The following RUNX1 variants were observed in gnomAD, a reference collection of about 807,000 sequenced individuals.
RUNX1 encodes the protein RUNX family transcription factor 1.
RUNX1 carries 19 observed loss-of-function variants against 42.8 expected under a neutral mutation model. The ratio of observed to expected loss-of-function variants is 0.44; its 90% CI spans 0.31 to 0.65. RUNX1 has a LOEUF of 0.65. Ranked by LOEUF, RUNX1 falls within the 30% of genes least tolerant of loss-of-function variation. The pLI, the probability that RUNX1 is intolerant of heterozygous loss-of-function variation, is 0.07. For synonymous variants in RUNX1, 271 were observed against 289.4 expected (o/e 0.94, Z 0.64); for missense variants, 528 against 672.0 (o/e 0.79, Z 2.37).
chr21:34,922,283 C>T (rs372183856), intron 2 of RUNX1, among the ~76,000 whole-genome samples: 2 of 152,056 alleles, frequency 1.3e-5, no homozygotes, highest in Non-Finnish European at 2.9e-5. Flanking sequence ...GGTTTGGTAG[C>T]GGTGGAGAGA....
At chr21:34,998,415 A>C in intron 2 of RUNX1, among the ~76,000 whole-genome samples, 1 of 150,674 alleles carries the variant, frequency 6.6e-6, no homozygotes, top group South Asian at 2.1e-4. Flanking sequence ...CCCCACCTCC[A>C]TCCTTCATCC....
At chr21:34,946,656 G>C (rs990632105) in intron 2 of RUNX1, among the ~76,000 whole-genome samples, 7 of 152,158 alleles carry the variant, frequency 4.6e-5, no homozygotes, top group African/African-American at 1.7e-4. Flanking sequence ...GCTGCTGGGG[G>C]CAGAGCTTTA....
chr21:34,981,763 AT>A (rs890028649), intron 2 of RUNX1, among the ~76,000 whole-genome samples: 17 of 150,898 alleles, frequency 1.1e-4, no homozygotes, highest in African/African-American at 2.7e-4. Context: ...GTGGTGGCCT[AT>A]TTTTTTTTGT....
intron 6 of RUNX1, among the ~76,000 whole-genome samples, chr21:34,846,194 C>CTTT (rs5843687): frequency 9.8e-6 from 1 of 102,234 alleles, no homozygotes; most frequent in Non-Finnish European, 2.0e-5. Flanking sequence ...TTAAGGATGT[C>CTTT]TTTTTTTTTT....
intron 2 of RUNX1, among the ~76,000 whole-genome samples, chr21:34,934,286 C>A (rs1240216962): frequency 6.6e-6 from 1 of 151,812 alleles, no homozygotes; most frequent in African/African-American, 2.4e-5. Context: ...TTTTAATCAT[C>A]TTAGGCTAAG....
chr21:34,887,414 G>A, intron 3 of RUNX1: 1 of 1,370,386 alleles, frequency 7.3e-7, no homozygotes, highest in Non-Finnish European at 9.4e-7. Context: ...TGCTTGCAGA[G>A]GTTAAGTTCT....
chr21:34,864,631 C>T (rs2057629950), intron 5 of RUNX1, among the ~76,000 whole-genome samples: 1 of 152,170 alleles, frequency 6.6e-6, no homozygotes, highest in Non-Finnish European at 1.5e-5. Context: ...ACCACGGGGT[C>T]ACAGGGTGGC....
chr21:34,830,712 C>T (rs939083428), intron 7 of RUNX1, among the ~76,000 whole-genome samples: 4 of 152,148 alleles, frequency 2.6e-5, no homozygotes, highest in African/African-American at 9.7e-5. Flanking sequence ...CTCTGAATTT[C>T]GATTTCTCTG....
intron 2 of RUNX1, among the ~76,000 whole-genome samples, chr21:34,902,612 A>G (rs2058186150): frequency 1.3e-5 from 2 of 152,260 alleles, no homozygotes; most frequent in Non-Finnish European, 1.5e-5. Flanking sequence ...TTTAAGATTT[A>G]GAGTTATTGA....
intron 7 of RUNX1, among the ~76,000 whole-genome samples, chr21:34,803,280 G>C (rs2056633022): frequency 6.6e-6 from 1 of 152,138 alleles, no homozygotes; most frequent in Non-Finnish European, 1.5e-5. Flanking sequence ...GGGCGCAGTG[G>C]CTCATACCTG....
chr21:34,946,075 C>T (rs2058561432), intron 2 of RUNX1, among the ~76,000 whole-genome samples: 1 of 152,212 alleles, frequency 6.6e-6, no homozygotes, highest in South Asian at 2.1e-4. Flanking sequence ...TTCACTATAA[C>T]AAGTGACTGT....
intron 2 of RUNX1, among the ~76,000 whole-genome samples, chr21:34,964,816 C>T (rs1366967268): frequency 2.6e-5 from 4 of 152,230 alleles, no homozygotes; most frequent in African/African-American, 9.6e-5. Context: ...CCTATGATCT[C>T]TTCTGACTTG....
chr21:34,970,483 T>C (rs116721988), intron 2 of RUNX1, among the ~76,000 whole-genome samples: 2,594 of 152,340 alleles, frequency 0.017, 64 homozygotes, highest in African/African-American at 0.059. Context: ...ATTCTGATCC[T>C]GGATGGCTGG....
At chr21:34,850,972 G>A (rs2057409791) in intron 6 of RUNX1, among the ~76,000 whole-genome samples, 1 of 152,108 alleles carries the variant, frequency 6.6e-6, no homozygotes, top group Admixed American at 6.5e-5. Context: ...AAGCCACAGA[G>A]GCTGCTGCAT....
chr21:34,825,312 C>G (rs1000400779), intron 7 of RUNX1, among the ~76,000 whole-genome samples: 47 of 152,184 alleles, frequency 3.1e-4, no homozygotes, highest in African/African-American at 1.1e-3. Context: ...ACCTGGGCCT[C>G]CTGTTTCCCC....
chr21:34,879,369 A>C (rs929449547), intron 5 of RUNX1, among the ~76,000 whole-genome samples: 2 of 152,166 alleles, frequency 1.3e-5, no homozygotes, highest in African/African-American at 4.8e-5. Context: ...TATTTTCTCC[A>C]GCTATGATTC....
At chr21:35,030,295 A>G (rs936081577) in intron 2 of RUNX1, among the ~76,000 whole-genome samples, 2 of 152,190 alleles carry the variant, frequency 1.3e-5, no homozygotes, top group South Asian at 4.2e-4. Flanking sequence ...GTGAGTCGAG[A>G]TCGTGCCACT....
At position 34,799,403 on chromosome 21, in the gene RUNX1, C is replaced by G. The variant is rs1258447643; in HGVS notation, c.865G>C (p.Gly289Arg). 4.3e-6 allele frequency: 7 copies of G among 1,614,064 alleles called. No homozygotes were observed. Among genetic ancestry groups the G allele is most frequent in the Non-Finnish European group, 3.4e-6 (4 of 1,179,982 alleles). ...WSYDQSYQYL[G>R]SIASPSVHPA... ...TGCACAGAAGGAGAGGCAATGGATC[C>G]CAGGTATTGGTAGGACTGATCGTAG... Residue 289 changes from glycine to arginine, a missense_variant, in exon 8 of 9, where the codon GGA becomes CGA. Physicochemically the swap from Gly to Arg is moderately radical, Grantham distance 125. Transcript: ENST00000675419.
intron 5 of RUNX1, among the ~76,000 whole-genome samples, chr21:34,877,495 C>T (rs189558324): frequency 9.2e-5 from 14 of 152,202 alleles, no homozygotes; most frequent in East Asian, 3.9e-4. Flanking sequence ...TGTAAAGGAG[C>T]GGTCGATTTA....
Sources: gnomAD v4.1 joint callset for allele counts (sites outside exome capture counted in the v4.1 genomes callset) on GRCh38, gnomAD v4.1.1 for gene constraint, MANE v1.5 for transcripts, NCBI Gene and HGNC (gene_info 2026-07-23, HGNC 2026-07-21) for gene names.